Variants in SORCS1 observed in about 807,000 individuals in gnomAD.
SORCS1 encodes VPS10 domain-containing receptor SorCS1.
Under a neutral mutation model 146.1 loss-of-function variants are expected in SORCS1, and 60 were observed. That is an observed-to-expected ratio of 0.41 (90% CI 0.33 to 0.51). The LOEUF is 0.51. Among genes scored for constraint, SORCS1 ranks in the 20% least tolerant of loss-of-function variants. The pLI is 0.21. For synonymous variants in SORCS1, 637 were observed against 584.0 expected (o/e 1.09, Z -1.31); for missense variants, 1,352 against 1,487.6 (o/e 0.91, Z 1.50).
chr10:107,085,540 A>G (rs1333088209), intron 1 of SORCS1, among the ~76,000 whole-genome samples: 1 of 152,196 alleles, frequency 6.6e-6, no homozygotes, highest in African/African-American at 2.4e-5. Flanking sequence ...CCATCAAATA[A>G]CATCCTCATT....
chr10:107,177,124 T>C, the SORCS1 span, among the ~76,000 whole-genome samples: 1 of 152,200 alleles, frequency 6.6e-6, no homozygotes, highest in East Asian at 1.9e-4. Context: ...TTGCCTAAAA[T>C]CGACTTTGTA....
At chr10:106,618,096 G>T (rs1589486222) in intron 21 of SORCS1, 53 bp downstream of exon 21, 2 of 1,607,600 alleles carry the variant, frequency 1.2e-6, no homozygotes, top group South Asian at 2.2e-5. Context: ...TGGCACAAGA[G>T]AACCTCCTCT....
intron 5 of SORCS1, among the ~76,000 whole-genome samples, chr10:106,748,148 G>GT (rs762364447): frequency 5.9e-5 from 9 of 152,104 alleles, no homozygotes; most frequent in Non-Finnish European, 1.2e-4. Context: ...TAGATACTGA[G>GT]TTTTTTTGTT....
chr10:106,853,397 AT>A (rs57934259), intron 2 of SORCS1, among the ~76,000 whole-genome samples: 44,684 of 136,386 alleles, frequency 0.33, 7,242 homozygotes, highest in East Asian at 0.45. Context: ...CATTTTCTTG[AT>A]TTTTTTTTTT....
chr10:106,659,772 G>A (rs150452401), intron 17 of SORCS1, among the ~76,000 whole-genome samples: 12 of 152,256 alleles, frequency 7.9e-5, no homozygotes, highest in African/African-American at 1.7e-4. Flanking sequence ...GGCAAGAATC[G>A]CCATGTGAGA....
chr10:106,791,755 T>A (rs560954905), intron 3 of SORCS1, among the ~76,000 whole-genome samples: 1 of 152,312 alleles, frequency 6.6e-6, no homozygotes, highest in African/African-American at 2.4e-5. Context: ...CACTACCAAG[T>A]GTTTTTCAGA....
chr10:106,762,807 T>G (rs1359999805), intron 4 of SORCS1, among the ~76,000 whole-genome samples: 5 of 152,056 alleles, frequency 3.3e-5, no homozygotes, highest in Admixed American at 3.3e-4. Context: ...ACTCCCCTCA[T>G]AGAGATAACA....
intron 2 of SORCS1, among the ~76,000 whole-genome samples, chr10:106,853,734 T>G (rs574420503): frequency 6.6e-6 from 1 of 152,248 alleles, no homozygotes; most frequent in Non-Finnish European, 1.5e-5. Context: ...AGAAGCATGT[T>G]GTTTAATCTC....
chr10:106,605,664 A>C (rs553912773), intron 23 of SORCS1, among the ~76,000 whole-genome samples: 1 of 152,176 alleles, frequency 6.6e-6, no homozygotes, highest in Non-Finnish European at 1.5e-5. Context: ...TATGATGGGA[A>C]GCTGAGGTGG....
intron 2 of SORCS1, among the ~76,000 whole-genome samples, chr10:106,926,824 TATATACACACACACAC>T (rs748863504): frequency 4.9e-3 from 72 of 14,568 alleles, no homozygotes; most frequent in Non-Finnish European, 0.019. Flanking sequence ...CTAAGGAATA[TATATACACACACACAC>T]ACACACACAC....
intron 1 of SORCS1, among the ~76,000 whole-genome samples, chr10:107,116,838 C>T (rs1966072779): frequency 6.6e-6 from 1 of 151,958 alleles, no homozygotes; most frequent in Admixed American, 6.6e-5. Flanking sequence ...TTTTTATTTG[C>T]CAATTAACTA....
intron 2 of SORCS1, among the ~76,000 whole-genome samples, chr10:106,948,316 T>C (rs1470694677): frequency 6.6e-6 from 1 of 152,128 alleles, no homozygotes; most frequent in Admixed American, 6.6e-5. Flanking sequence ...CTGTGTTTTT[T>C]CTGGCTCATT....
At chr10:107,102,265 A>G (rs1308831284) in intron 1 of SORCS1, among the ~76,000 whole-genome samples, 1 of 152,164 alleles carries the variant, frequency 6.6e-6, no homozygotes, top group Non-Finnish European at 1.5e-5. Context: ...TGGTTCTGAT[A>G]TGAGAGGATT....
intron 1 of SORCS1, among the ~76,000 whole-genome samples, chr10:107,155,398 C>T (rs545569322): frequency 2.9e-4 from 44 of 152,244 alleles, no homozygotes; most frequent in South Asian, 8.3e-4. Context: ...TGCCTGGTCC[C>T]TTCTCCCCAT....
rs369632959 is a variant in SORCS1 at position 107,128,614 on chromosome 10, CA to C, written c.558+35354del. On this transcript the variant is annotated intron_variant, in intron 1 of 25. Coordinates refer to ENST00000263054, the MANE Select transcript of SORCS1 (RefSeq NM_052918.5). ...AATGTGCTTAGCAAAAACACTCAAACACACACCTGAACCACAGCATAGGGAA... is the reference window on the plus strand; with the variant it reads ...AATGTGCTTAGCAAAAACACTCAAACCACACCTGAACCACAGCATAGGGAA... Among the ~76,000 whole-genome samples, 46 of 152,324 alleles carry C rather than the reference CA, an allele frequency of 3.0e-4. No individual in the cohort carries two copies. The East Asian group carries it at 3.5e-3, about 12-fold the overall frequency.
intron 1 of SORCS1, among the ~76,000 whole-genome samples, chr10:106,999,943 A>G (rs1467312644): frequency 3.9e-5 from 6 of 152,132 alleles, no homozygotes; most frequent in Non-Finnish European, 7.4e-5. Flanking sequence ...AAATCTCAGC[A>G]GATGTCAGCT....
chr10:107,142,284 C>G (rs993645262), intron 1 of SORCS1, among the ~76,000 whole-genome samples: 1 of 152,162 alleles, frequency 6.6e-6, no homozygotes, highest in African/African-American at 2.4e-5. Context: ...CTGATTTTTA[C>G]AAACGCCAGC....
At position 106,760,221 on chromosome 10, in the gene SORCS1, G is replaced by T. The variant is rs146025167; in HGVS notation, c.959+1367C>A. On this transcript the variant is annotated intron_variant, in intron 5 of 25. Coordinates refer to ENST00000263054, the MANE Select transcript of SORCS1 (RefSeq NM_052918.5). ...GCACTTTGGGAGGCCGAGGTGGGGG[G>T]ATCTTGAGGTCATTAGATCGAGACC... Among the ~76,000 whole-genome samples, 564 of 152,050 alleles carry T rather than the reference G, an allele frequency of 3.7e-3. 2 individuals are homozygous for T. The highest frequency in any genetic ancestry group is 0.013 in the African/African-American group (537 of 41,496).
At chr10:107,054,585 T>C (rs1212876020) in intron 1 of SORCS1, among the ~76,000 whole-genome samples, 1 of 152,146 alleles carries the variant, frequency 6.6e-6, no homozygotes, top group South Asian at 2.1e-4. Flanking sequence ...GAGTCAAGGA[T>C]AACCATGGAA....
Sources: gnomAD v4.1 joint callset for allele counts (sites outside exome capture counted in the v4.1 genomes callset) on GRCh38, gnomAD v4.1.1 for gene constraint, MANE v1.5 for transcripts, NCBI Gene and HGNC (gene_info 2026-07-23, HGNC 2026-07-21) for gene names.